DDX42: variants seen among roughly 807,000 people sequenced by gnomAD.
The protein encoded by DDX42 is DEAD-box helicase 42.
In DDX42, 22 loss-of-function variants were observed where a neutral mutation model predicts 101.5. The observed-to-expected ratio is 0.22, with a 90% CI of 0.15 to 0.31. DDX42 has a LOEUF of 0.31. Among genes scored for constraint, DDX42 ranks in the 10% least tolerant of loss-of-function variants. The pLI is 1.00. For synonymous variants in DDX42, 402 were observed against 401.2 expected (o/e 1.00, Z -0.02); for missense variants, 849 against 1,199.9 (o/e 0.71, Z 4.32).
chr17:63,798,362 AT>A (rs1474655961), intron 4 of DDX42, among the ~76,000 whole-genome samples: 1 of 152,238 alleles, frequency 6.6e-6, no homozygotes, highest in Non-Finnish European at 1.5e-5. Flanking sequence ...GGAATGAATT[AT>A]AGTAGAGTTT....
At position 63,792,545 on chromosome 17, in the gene DDX42, T is replaced by C; in HGVS notation, c.355T>C (p.Phe119Leu). 6.2e-7 allele frequency: 1 copy of C among 1,610,612 alleles called. No homozygotes were observed. Among genetic ancestry groups the C allele is most frequent in the Non-Finnish European group, 8.5e-7 (1 of 1,178,596 alleles). ...SDSDDDPLEA[F>L]MAEVEDQAAR... is the part of the protein sequence containing the mutation. ...CAGCGATGATGATCCCTTGGAGGCA[T>C]TCATGGCTGAAGTGGAGGCAAGTAT... Residue 119 changes from phenylalanine (F) to leucine (L), a missense_variant, in exon 3 of 18, where the codon TTC (phenylalanine) becomes CTC (leucine). Phe to Leu is a conservative substitution (Grantham distance 22). This residue lies in a region of DDX42 where 370 missense variants were observed against 608.8 expected (regional missense o/e 0.61). Coordinates refer to ENST00000389924, the MANE Select transcript of DDX42 (RefSeq NM_203499.3).
At chr17:63,780,306 A>AC (rs919477745) in intron 1 of DDX42, among the ~76,000 whole-genome samples, 2 of 16,702 alleles carry the variant, frequency 1.2e-4, no homozygotes, top group Non-Finnish European at 1.9e-4. Context: ...AAAAAACAAA[A>AC]AAAAAAAAAA....
intron 8 of DDX42, among the ~76,000 whole-genome samples, chr17:63,807,239 C>T (rs1019295880): frequency 6.6e-6 from 1 of 152,208 alleles, no homozygotes; most frequent in African/African-American, 2.4e-5. Flanking sequence ...CTCCCAGGTT[C>T]AAGCAATTCT....
intron 1 of DDX42, chr17:63,776,398 C>G (rs2039421392): frequency 6.6e-6 from 1 of 152,348 alleles, no homozygotes; most frequent in Non-Finnish European, 1.5e-5. Flanking sequence ...TGACACTTGC[C>G]CTTGCTTGTT....
rs547139703 is a variant in DDX42 at position 63,816,709 on chromosome 17, T to C, written c.2014-159T>C. The stretch of plus-strand genomic sequence containing the variant: ...TGAGGGCATAAGCATTTTTAAATGA[T>C]TGTCACTGTGTCTTTTCTCACAAAG... On this transcript the variant is annotated intron_variant, in intron 16 of 17. Transcript: ENST00000389924. 1.9e-5 allele frequency: 9 copies of C among 471,338 alleles called. No homozygotes were observed. The South Asian group carries it at 3.9e-4, about 21-fold the overall frequency. The allele number at this position is 471,338 out of a possible 1,614,324, so 29.2% of individuals were successfully genotyped here. A position where few individuals can be genotyped will look rare whatever the true frequency, so the allele number is the denominator to read the frequency against.
At chr17:63,808,723 T>A in intron 9 of DDX42, 97 bp from the exon 10 acceptor site, 1 of 1,503,302 alleles carries the variant, frequency 6.7e-7, no homozygotes, top group East Asian at 2.3e-5. Context: ...TTTCGATTTT[T>A]TATGACATCA....
intron 10 of DDX42, among the ~76,000 whole-genome samples, chr17:63,809,324 T>G (rs918806667): frequency 2.0e-5 from 3 of 152,238 alleles, no homozygotes; most frequent in African/African-American, 7.2e-5. Flanking sequence ...CCTCAAAAAC[T>G]GCTTCTGGCC....
intron 3 of DDX42, among the ~76,000 whole-genome samples, chr17:63,797,549 G>A (rs1035323079): frequency 2.6e-5 from 4 of 151,996 alleles, no homozygotes; most frequent in Non-Finnish European, 5.9e-5. Context: ...GCCATCCTCC[G>A]CCTCTAGAAA....
chr17:63,788,307 A>G (rs1393579763), intron 2 of DDX42, among the ~76,000 whole-genome samples: 2 of 135,026 alleles, frequency 1.5e-5, no homozygotes, highest in African/African-American at 5.7e-5. Flanking sequence ...TCAACATCTG[A>G]GTCTTTTTTT....
At chr17:63,808,256 C>T (rs961448433) in intron 9 of DDX42, among the ~76,000 whole-genome samples, 4 of 152,208 alleles carry the variant, frequency 2.6e-5, no homozygotes, top group Middle Eastern at 3.2e-3. Flanking sequence ...CAGCTCACTG[C>T]AACCTCCACC....
chr17:63,777,073 A>C (rs1464891479), intron 1 of DDX42, among the ~76,000 whole-genome samples: 1 of 151,860 alleles, frequency 6.6e-6, no homozygotes, highest in African/African-American at 2.4e-5. Context: ...TGCCTGGCTA[A>C]TTTTTTAAAT....
chr17:63,785,605 A>G (rs1246097862), intron 1 of DDX42, among the ~76,000 whole-genome samples: 1 of 147,080 alleles, frequency 6.8e-6, no homozygotes, highest in Non-Finnish European at 1.5e-5. Flanking sequence ...TGTTCCTTAA[A>G]AAAAAAAAAA....
intron 6 of DDX42, among the ~76,000 whole-genome samples, chr17:63,803,688 C>T (rs1277378976): frequency 6.6e-6 from 1 of 150,802 alleles, no homozygotes; most frequent in Non-Finnish European, 1.5e-5. Flanking sequence ...GCTCTGTCGC[C>T]CAGGCTGGAG....
Position 63,817,947 on chromosome 17 carries a change from A to G in DDX42, c.2366A>G (p.Asn789Ser). 2 of 1,614,182 alleles carry G rather than the reference A, an allele frequency of 1.2e-6. No homozygotes were observed. Among genetic ancestry groups the G allele is most frequent in the Middle Eastern group, 1.6e-4 (1 of 6,062 alleles). Residue 789 changes from asparagine to serine, a missense_variant, in exon 18 of 18, where the codon AAC becomes AGC. Physicochemically the swap from Asn to Ser is conservative, Grantham distance 46. This residue lies in a region of DDX42 where 300 missense variants were observed against 304.9 expected (regional missense o/e 0.98). Coordinates refer to ENST00000389924, the MANE Select transcript of DDX42 (RefSeq NM_203499.3). ...TCTGCCGGAGCCCAAGGAGTCAACA[A>G]CACAGCTTCAGGGAATAACAGCCGA... ...YPSAGAQGVN[N>S]TASGNNSREG...
intron 1 of DDX42, among the ~76,000 whole-genome samples, chr17:63,781,536 C>A (rs2039487845): frequency 6.6e-6 from 1 of 151,870 alleles, no homozygotes; most frequent in African/African-American, 2.4e-5. Context: ...TCTTAACTTA[C>A]CTAACTTCTC....
At chr17:63,803,792 G>T (rs952861887) in intron 6 of DDX42, among the ~76,000 whole-genome samples, 7 of 151,532 alleles carry the variant, frequency 4.6e-5, no homozygotes, top group Non-Finnish European at 7.4e-5. Context: ...TGGGACTACA[G>T]GTGTGTGCCA....
chr17:63,798,370 G>C (rs1487018836), intron 4 of DDX42, among the ~76,000 whole-genome samples: 1 of 152,220 alleles, frequency 6.6e-6, no homozygotes, highest in Non-Finnish European at 1.5e-5. Flanking sequence ...TTATAGTAGA[G>C]TTTAGGGGAG....
Position 63,818,022 on chromosome 17 carries a change from G to A in DDX42, c.2441G>A (p.Arg814Gln), listed in dbSNP as rs748213997. 2.5e-5 allele frequency: 41 copies of A among 1,614,032 alleles called. No homozygotes were observed. Among genetic ancestry groups the A allele is most frequent in the Admixed American group, 3.3e-5 (2 of 60,012 alleles). Residue 814 changes from arginine (R) to glutamine (Q), a missense_variant, in exon 18 of 18, where the codon CGG becomes CAG. Physicochemically the swap from Arg to Gln is conservative, Grantham distance 43. Transcript: ENST00000389924. ...NGKRERYTEN[R>Q]GSSRHSHGET... is the part of the protein sequence containing the mutation. ...AAAAGAGAGAGATATACTGAGAACC[G>A]GGGCAGCAGCCGTCACAGTCACGGA... is the stretch of plus-strand genomic sequence containing the variant.
intron 6 of DDX42, among the ~76,000 whole-genome samples, chr17:63,801,477 C>T (rs907187283): frequency 2.6e-5 from 4 of 152,176 alleles, no homozygotes; most frequent in African/African-American, 9.7e-5. Flanking sequence ...CTTCAGCCTC[C>T]TGAGTAGCTG....
Sources: allele counts gnomAD v4.1 joint callset (sites outside exome capture counted in the v4.1 genomes callset), GRCh38; gene constraint gnomAD v4.1.1; regional missense constraint gnomAD v4.1.1; transcripts MANE v1.5; gene names NCBI Gene and HGNC (gene_info 2026-07-23, HGNC 2026-07-21).